Variants in MCM2 observed in about 807,000 individuals in gnomAD.
MCM2 encodes DNA replication licensing factor MCM2.
MCM2 carries 49 observed loss-of-function variants against 86.4 expected under a neutral mutation model. That is an observed-to-expected ratio of 0.57 (90% confidence interval 0.45 to 0.72). The LOEUF (loss-of-function observed/expected upper bound fraction) is 0.72, where lower values mean the gene tolerates loss of function less well. Among genes scored for constraint, MCM2 ranks in the 30% least tolerant of loss-of-function variants. MCM2 has a pLI of 0.00. For synonymous variants in MCM2, 475 were observed against 484.6 expected, an observed-to-expected ratio of 0.98 and a Z score of 0.26; for missense variants, 1,038 against 1,259.9, an observed-to-expected ratio of 0.82 and a Z score of 2.67.
intron 8 of MCM2, among the ~76,000 whole-genome samples, chr3:127,610,193 C>G (rs1231430114): frequency 6.6e-6 from 1 of 152,266 alleles, no homozygotes; most frequent in East Asian, 1.9e-4. Context: ...TTTAGTTCGC[C>G]CTTTAACCTC....
rs1413815330 is a variant in MCM2 at position 127,606,425 on chromosome 3, C to T, written c.893+88C>T. ...TCCTGAAGAGCGATTGTGGTGTGGG[C>T]GGGGAGGGTGCAGCCAGCAGCATCC... On this transcript the variant is annotated intron_variant, in intron 5 of 15. Transcript: ENST00000265056. This position sits in a 1 kb window ranked among gnomAD's most constrained non-coding sequence, Gnocchi z 4.2. 43 of 1,379,696 alleles carry T rather than the reference C, an allele frequency of 3.1e-5. No homozygotes were observed. Among genetic ancestry groups the T allele is most frequent in the Admixed American group, 1.9e-4 (10 of 53,006 alleles). 85.5% of individuals were successfully genotyped at this position (1,379,696 alleles called of 1,614,324 possible).
intron 8 of MCM2, among the ~76,000 whole-genome samples, chr3:127,611,604 C>T (rs920556029): frequency 1.3e-5 from 2 of 151,536 alleles, no homozygotes; most frequent in African/African-American, 2.4e-5. Flanking sequence ...GCACCTTCTC[C>T]CTCACTTGTC....
chr3:127,606,391 G>A lies in MCM2; in HGVS notation c.893+54G>A, dbSNP rs1017260224. ...GTCCGAGCTCAGTGCTGGGTGACTCGGTCGTGATTCCTGAAGAGCGATTGT... is the reference window on the plus strand; with the variant it reads ...GTCCGAGCTCAGTGCTGGGTGACTCAGTCGTGATTCCTGAAGAGCGATTGT... On this transcript the variant is annotated intron_variant, in intron 5 of 15. Coordinates refer to ENST00000265056, the MANE Select transcript of MCM2 (RefSeq NM_004526.4). This position sits in a 1 kb window ranked among gnomAD's most constrained non-coding sequence, Gnocchi z 4.2. 24 of 1,558,148 alleles carry A rather than the reference G, an allele frequency of 1.5e-5. No homozygotes were observed. Among genetic ancestry groups the A allele is most frequent in the Middle Eastern group, 2.1e-4 (1 of 4,780 alleles).
chr3:127,606,510 G>A lies in MCM2; in HGVS notation c.894-100G>A, dbSNP rs2074351516. 1 of 1,293,874 alleles carries A rather than the reference G, an allele frequency of 7.7e-7. No homozygotes were observed. The highest frequency in any genetic ancestry group is 1.1e-6 in the Non-Finnish European group (1 of 915,380). 80.1% of individuals were successfully genotyped at this position (1,293,874 alleles called of 1,614,324 possible). On this transcript the variant is annotated intron_variant, in intron 5 of 15. Transcript: ENST00000265056. The surrounding 1 kb of genome is among the most constrained non-coding windows in gnomAD (Gnocchi z 4.2). The stretch of plus-strand genomic sequence containing the variant: ...GATGGGAGGGATCTTCCCGGGCTGG[G>A]GGCTGGGCCCAATTTCCAGGACAGT...
chr3:127,604,486 C>T (rs1472320553), intron 2 of MCM2, 122 bp from the exon 3 acceptor site: 8 of 928,632 alleles, frequency 8.6e-6, no homozygotes, highest in East Asian at 2.4e-5. Context: ...GACCTGGAAG[C>T]GCTGAGCCTA....
Position 127,619,965 on chromosome 3 carries a change from C to T in MCM2, c.2265+687C>T, listed in dbSNP as rs72965757. ...CACCACTGCACTCTAGCCTTGGTGA[C>T]ACAGTGAAACCCTGTTTCAAAAAAA... On this transcript the variant is annotated intron_variant, in intron 13 of 15. Coordinates refer to ENST00000265056, the MANE Select transcript of MCM2 (RefSeq NM_004526.4). Among the ~76,000 whole-genome samples, 297 of 152,200 alleles carry T rather than the reference C, an allele frequency of 2.0e-3. 1 individual carries two copies. Among genetic ancestry groups the T allele is most frequent in the African/African-American group, 6.9e-3 (287 of 41,504 alleles).
chr3:127,619,171 C>CT lies in MCM2; in HGVS notation c.2159dup (p.Lys721GlufsTer29). 1 of 1,614,190 alleles carries CT rather than the reference C, an allele frequency of 6.2e-7. No individual in the cohort carries two copies. Among genetic ancestry groups the CT allele is most frequent in the Non-Finnish European group, 8.5e-7 (1 of 1,180,050 alleles). ...CGTGGAGCCCCTGCCCCAGGAGGTC[C>CT]TGAAGAAGTACATCATCTACGCCAA... On this transcript the variant is annotated frameshift_variant, in exon 13 of 16. Transcript: ENST00000265056. LOFTEE classifies it high-confidence loss of function.
chr3:127,605,457 T>TTG (rs2074339917), intron 4 of MCM2, among the ~76,000 whole-genome samples: 1 of 148,660 alleles, frequency 6.7e-6, no homozygotes, highest in Non-Finnish European at 1.5e-5. Context: ...TTTTTTTTTT[T>TTG]GAGACGGAGT....
chr3:127,614,667 C>A (rs1347436629), intron 8 of MCM2, among the ~76,000 whole-genome samples: 2 of 152,166 alleles, frequency 1.3e-5, no homozygotes, highest in Non-Finnish European at 2.9e-5. Flanking sequence ...CTTTGACTTA[C>A]TAGTTTTAAA....
In MCM2 at chr3:127,605,131, G is replaced by A. The variant is rs1298831962; in HGVS notation, c.648G>A (p.Lys216=). 1 of 1,614,148 alleles carries A rather than the reference G, an allele frequency of 6.2e-7. No homozygotes were observed. The highest frequency in any genetic ancestry group is 1.1e-5 in the South Asian group (1 of 91,086). ...ACAGCCACGGCCACAACGTCTTCAAGGAGCGCATCAGCGACATGTGCAAAG... is the reference window on the plus strand; with the variant it reads ...ACAGCCACGGCCACAACGTCTTCAAAGAGCGCATCAGCGACATGTGCAAAG... ...HVDSHGHNVF[K]ERISDMCKEN... Residue 216 remains lysine (K), a synonymous_variant, in exon 4 of 16, where the codon AAG becomes AAA. Transcript: ENST00000265056.
chr3:127,622,023 G>A lies in MCM2; in HGVS notation c.*250G>A, dbSNP rs2074482177. On this transcript the variant is annotated 3_prime_UTR_variant, in exon 16 of 16. Coordinates refer to ENST00000265056, the MANE Select transcript of MCM2 (RefSeq NM_004526.4). ...TTGCTGAACATCTTGCCACCTCCGA[G>A]TGCTTTGTCTCCACTCAGTACCTTG... 1 of 437,252 alleles carries A rather than the reference G, an allele frequency of 2.3e-6. No homozygotes were observed. Among genetic ancestry groups the A allele is most frequent in the South Asian group, 2.6e-5 (1 of 39,018 alleles). The allele number at this position is 437,252 out of a possible 1,614,324, so 27.1% of individuals were successfully genotyped here.
Position 127,604,674 on chromosome 3 carries a change from C to T in MCM2, c.303C>T (p.Asp101=), listed in dbSNP as rs904949686. ...AGGGACTGGCTCTGGATGATGAGGA[C>T]GTAGAGGAGCTGACGGCCAGTCAGA... ...EAEGLALDDE[D]VEELTASQRE... Residue 101 remains aspartate, a synonymous_variant, in exon 3 of 16, where the codon GAC becomes GAT. Transcript: ENST00000265056. 7 of 1,612,826 alleles carry T rather than the reference C, an allele frequency of 4.3e-6. No homozygotes were observed. In the East Asian group the frequency reaches 6.7e-5, roughly 15 times the overall value.
chr3:127,602,386 A>G (rs912195711), intron 2 of MCM2, among the ~76,000 whole-genome samples: 1 of 152,148 alleles, frequency 6.6e-6, no homozygotes, highest in African/African-American at 2.4e-5. Flanking sequence ...TTGCAGAAAA[A>G]TAGTAGCAGT....
In MCM2 at chr3:127,621,782, G is replaced by A; in HGVS notation, c.*9G>A. 6.2e-7 allele frequency: 1 copy of A among 1,607,914 alleles called. No homozygotes were observed. The highest frequency in any genetic ancestry group is 8.5e-7 in the Non-Finnish European group (1 of 1,174,914). ...TCCTGCAGCAGTTCTGAGGCCCTAT[G>A]CCATCCATAAGGATTCCTTGGGATT... On this transcript the variant is annotated 3_prime_UTR_variant, in exon 16 of 16. Transcript: ENST00000265056.
chr3:127,604,635 C>T lies in MCM2; in HGVS notation c.264C>T (p.Asp88=), dbSNP rs2074330927. The change falls in exon 3 of 16, where the codon GAC becomes GAT. Residue 88 remains aspartate, a synonymous_variant. Transcript: ENST00000265056. ...ACTACCGCGCCATCCCAGAGCTGGA[C>T]GCCTATGAGGCCGAGGGACTGGCTC... ...ERDYRAIPEL[D]AYEAEGLALD... The T allele has an allele frequency of 1.2e-6, 2 of 1,613,148 alleles. No homozygotes were observed. The highest frequency in any genetic ancestry group is 1.3e-5 in the African/African-American group (1 of 74,910).
chr3:127,620,934 C>T, intron 14 of MCM2, 54 bp downstream of exon 14: 2 of 1,572,240 alleles, frequency 1.3e-6, no homozygotes, highest in Admixed American at 1.7e-5. Context: ...AAGGAGGCCA[C>T]ACGTGGGTAT....
In MCM2 at chr3:127,615,914, G is replaced by A; in HGVS notation, c.1481G>A (p.Gly494Asp). The A allele has an allele frequency of 1.2e-6, 2 of 1,614,180 alleles. No homozygotes were observed. The highest frequency in any genetic ancestry group is 2.2e-5 in the East Asian group (1 of 44,888). Reference protein sequence around the residue: ...SIYGHEDIKRGLALALFGGEP... With the variant: ...SIYGHEDIKRDLALALFGGEP... ...TATGGTCATGAAGACATCAAGAGAG[G>A]CCTGGCTCTGGCCCTGTTCGGAGGG... Residue 494 changes from glycine to aspartate, a missense_variant, in exon 9 of 16, where the codon GGC becomes GAC. Coordinates refer to ENST00000265056, the MANE Select transcript of MCM2 (RefSeq NM_004526.4).
rs1017260224 is a variant in MCM2, at chr3:127,606,391, G to C, written c.893+54G>C. ...GTCCGAGCTCAGTGCTGGGTGACTC[G>C]GTCGTGATTCCTGAAGAGCGATTGT... On this transcript the variant is annotated intron_variant, in intron 5 of 15. Transcript: ENST00000265056. The surrounding 1 kb of genome is among the most constrained non-coding windows in gnomAD (Gnocchi z 4.2). 1.3e-5 allele frequency: 20 copies of C among 1,558,148 alleles called. No individual in the cohort carries two copies. The highest frequency in any genetic ancestry group is 1.7e-5 in the Non-Finnish European group (19 of 1,134,960).
Position 127,617,428 on chromosome 3 carries a change from T to C in MCM2, c.1900+23T>C. On this transcript the variant is annotated intron_variant, in intron 11 of 15. Transcript: ENST00000265056. This position sits in a 1 kb window ranked among gnomAD's most constrained non-coding sequence, Gnocchi z 4.1. ...TAGGTGCAGCAGGCACCCTGACTGC[T>C]GGGGCTGGGGTGGGACACAGGGAGG... is the stretch of plus-strand genomic sequence containing the variant. 2 of 1,608,662 alleles carry C rather than the reference T, an allele frequency of 1.2e-6. No individual in the cohort carries two copies. The highest frequency in any genetic ancestry group is 1.7e-6 in the Non-Finnish European group (2 of 1,177,838).
Sources: allele counts gnomAD v4.1 joint callset (sites outside exome capture counted in the v4.1 genomes callset), GRCh38; gene constraint gnomAD v4.1.1; non-coding constraint Gnocchi (gnomAD v3.1); transcripts MANE v1.5; gene names NCBI Gene and HGNC (gene_info 2026-07-23, HGNC 2026-07-21).